The following SLC25A20 variants were observed in gnomAD, a reference collection of about 807,000 sequenced individuals.
SLC25A20 encodes mitochondrial carnitine/acylcarnitine carrier protein.
SLC25A20 carries 29 observed loss-of-function variants against 39.7 expected under a neutral mutation model. The observed-to-expected ratio is 0.73, with a 90% CI of 0.54 to 1.00. The LOEUF is 1.00. Ranked by LOEUF, SLC25A20 falls within the 50% of genes least tolerant of loss-of-function variation. The pLI is 0.00. For synonymous variants in SLC25A20, 103 were observed against 142.2 expected (o/e 0.72, Z 1.96); for missense variants, 333 against 379.9 (o/e 0.88, Z 1.03).
At chr3:48,872,870 A>G (rs1459975866) in intron 4 of SLC25A20, among the ~76,000 whole-genome samples, 2 of 151,798 alleles carry the variant, frequency 1.3e-5, no homozygotes, top group Non-Finnish European at 2.9e-5. Context: ...CTCAAAAACA[A>G]AAACAAATTG....
At chr3:48,866,295 T>C (rs2106640386) in intron 4 of SLC25A20, among the ~76,000 whole-genome samples, 1 of 152,252 alleles carries the variant, frequency 6.6e-6, no homozygotes, top group Non-Finnish European at 1.5e-5. Flanking sequence ...AGCTCACGTC[T>C]GTAATCCCAG....
At chr3:48,864,232 C>T (rs1468224828) in intron 4 of SLC25A20, among the ~76,000 whole-genome samples, 7 of 151,132 alleles carry the variant, frequency 4.6e-5, no homozygotes, top group Non-Finnish European at 7.4e-5. Flanking sequence ...CCTGTAATCC[C>T]AGCTACTCAG....
intron 4 of SLC25A20, among the ~76,000 whole-genome samples, chr3:48,864,792 G>A (rs955133075): frequency 6.6e-6 from 1 of 152,162 alleles, no homozygotes; most frequent in African/African-American, 2.4e-5. Context: ...CTGTCATCCA[G>A]GACAGCGATG....
chr3:48,859,020 G>T, intron 7 of SLC25A20, 72 bp downstream of exon 7: 1 of 1,233,678 alleles, frequency 8.1e-7, no homozygotes, highest in Non-Finnish European at 1.2e-6. Context: ...GGCCTTATGA[G>T]CTTTGCACCC....
intron 8 of SLC25A20, 132 bp downstream of exon 8, chr3:48,858,375 G>T: frequency 7.5e-7 from 1 of 1,324,966 alleles, no homozygotes; most frequent in Non-Finnish European, 1.1e-6. Flanking sequence ...AGCAAATAAG[G>T]AATGCTCTGG....
intron 6 of SLC25A20, 151 bp downstream of exon 6, chr3:48,859,404 G>C (rs1345404823): frequency 1.2e-6 from 1 of 856,448 alleles, no homozygotes; most frequent in African/African-American, 1.7e-5. Context: ...GAGGCACAGA[G>C]TAAGAAGAGC....
At chr3:48,870,740 A>G (rs2083708634) in intron 4 of SLC25A20, among the ~76,000 whole-genome samples, 1 of 149,380 alleles carries the variant, frequency 6.7e-6, no homozygotes. Context: ...CAAACACCTG[A>G]GCCCAAGCGA....
intron 1 of SLC25A20, chr3:48,895,932 G>A (rs769498723): frequency 1.5e-4 from 53 of 346,652 alleles, no homozygotes; most frequent in Non-Finnish European, 2.7e-4. Flanking sequence ...TTGAGGCCAC[G>A]AGTTTGAGAC....
At chr3:48,896,374 T>G (rs898513981) in intron 1 of SLC25A20, among the ~76,000 whole-genome samples, 2 of 152,004 alleles carry the variant, frequency 1.3e-5, no homozygotes, top group Non-Finnish European at 2.9e-5. Flanking sequence ...CTTGCCATGT[T>G]GCCAAGGCTG....
chr3:48,858,663 A>G (rs1165997398), intron 7 of SLC25A20, 32 bp from the exon 8 acceptor site: 1 of 1,614,020 alleles, frequency 6.2e-7, no homozygotes, highest in Non-Finnish European at 8.5e-7. Context: ...TTAAGGCTTC[A>G]GGAAGGAGAA....
At chr3:48,880,163 C>T (rs1169048268) in intron 3 of SLC25A20, among the ~76,000 whole-genome samples, 2 of 152,204 alleles carry the variant, frequency 1.3e-5, no homozygotes, top group Admixed American at 6.5e-5. Context: ...TTCACTCTGG[C>T]CCCCACAGAA....
chr3:48,883,725 G>A (rs1450103718), intron 3 of SLC25A20, among the ~76,000 whole-genome samples: 2 of 147,838 alleles, frequency 1.4e-5, no homozygotes, highest in African/African-American at 2.5e-5. Context: ...AAGTTCAAGC[G>A]ATTCTCCTGC....
chr3:48,894,614 G>A (rs2083899990), intron 1 of SLC25A20, among the ~76,000 whole-genome samples: 1 of 151,582 alleles, frequency 6.6e-6, no homozygotes, highest in African/African-American at 2.4e-5. Flanking sequence ...AAGTTTTGGG[G>A]TAAGTTGGTT....
intron 4 of SLC25A20, among the ~76,000 whole-genome samples, chr3:48,879,149 C>T (rs2083782581): frequency 6.6e-6 from 1 of 151,896 alleles, no homozygotes; most frequent in African/African-American, 2.4e-5. Flanking sequence ...GGATTACAGG[C>T]GTAAACCACT....
chr3:48,859,191 G>A lies in SLC25A20; in HGVS notation c.619C>T (p.Leu207Phe), dbSNP rs773165226. The change falls in exon 7 of 9, where the codon CTC (leucine) becomes TTC (phenylalanine). Residue 207 changes from leucine (L) to phenylalanine (F), a missense_variant. Coordinates refer to ENST00000319017, the MANE Select transcript of SLC25A20 (RefSeq NM_000387.6). ...FTPEGKRVSE[L>F]SAPRILVAGG... ...GCCACCAAGATCCGAGGGGCACTGAGCTCACTGACCCTGTATAACACCAAC... is the reference window on the plus strand; with the variant it reads ...GCCACCAAGATCCGAGGGGCACTGAACTCACTGACCCTGTATAACACCAAC... The A allele has an allele frequency of 1.9e-6, 3 of 1,613,886 alleles. No individual in the cohort carries two copies. Among genetic ancestry groups the A allele is most frequent in the Non-Finnish European group, 2.5e-6 (3 of 1,179,880 alleles).
Position 48,860,352 on chromosome 3 carries a change from C to T in SLC25A20, c.536-725G>A, listed in dbSNP as rs1362945493. On this transcript the variant is annotated intron_variant, in intron 5 of 8. Transcript: ENST00000319017. ...AAAAATGGCCAAGCGTGGTGGCTCACACCTGTAATCCCAGCACTTTGGGAG... is the reference window on the plus strand; with the variant it reads ...AAAAATGGCCAAGCGTGGTGGCTCATACCTGTAATCCCAGCACTTTGGGAG... Among the ~76,000 whole-genome samples, 69 of 148,016 alleles carry T rather than the reference C, an allele frequency of 4.7e-4. 1 individual carries two copies. Among genetic ancestry groups the T allele is most frequent in the Middle Eastern group, 7.8e-3 (2 of 258 alleles).
chr3:48,890,961 T>C (rs915717635), intron 2 of SLC25A20, among the ~76,000 whole-genome samples: 3 of 150,416 alleles, frequency 2.0e-5, no homozygotes, highest in Admixed American at 2.0e-4. Context: ...GCCACCCCCT[T>C]GTCTTGTATT....
At chr3:48,859,432 C>T (rs1050599384) in intron 6 of SLC25A20, 123 bp downstream of exon 6, 26 of 922,944 alleles carry the variant, frequency 2.8e-5, no homozygotes, top group African/African-American at 6.5e-5. Context: ...ACCTCAGCAG[C>T]CACAAGAGGA....
intron 2 of SLC25A20, among the ~76,000 whole-genome samples, chr3:48,885,265 C>T (rs942408017): frequency 1.3e-5 from 2 of 150,746 alleles, no homozygotes; most frequent in African/African-American, 4.9e-5. Context: ...AGTGAGACCC[C>T]ATCTCTAGAA....
Sources: allele counts gnomAD v4.1 joint callset (sites outside exome capture counted in the v4.1 genomes callset), GRCh38; gene constraint gnomAD v4.1.1; transcripts MANE v1.5; gene names NCBI Gene and HGNC (gene_info 2026-07-23, HGNC 2026-07-21).